The following ABI2 variants were observed in gnomAD, a reference collection of about 807,000 sequenced individuals.
ABI2 encodes the protein abelson interactor 2.
Under a neutral mutation model 59.2 loss-of-function variants are expected in ABI2, and 25 were observed. The observed-to-expected ratio is 0.42, with a 90% CI of 0.31 to 0.59. The LOEUF (loss-of-function observed/expected upper bound fraction) is 0.59. Among genes scored for constraint, ABI2 ranks in the 20% least tolerant of loss-of-function variants. The pLI is 0.14. For missense variants in ABI2, 545 were observed against 681.8 expected (o/e 0.80, Z 2.23); for synonymous variants, 213 against 235.5 (o/e 0.90, Z 0.87).
rs1235652409 is a variant in ABI2 at position 203,416,948 on chromosome 2, A to G, written c.1320A>G (p.Pro440=). The G allele has an allele frequency of 1.9e-6, 3 of 1,613,706 alleles. No homozygotes were observed. The African/African-American group carries it at 4.0e-5, about 22-fold the overall frequency. ...CTCCACCGCCACCTGTGGAAGAACC[A>G]GTCTTTGATGAGTCTCCCCCACCTC... is the stretch of plus-strand genomic sequence containing the variant. ...TPPPPPPVEE[P]VFDESPPPPP... Residue 440 remains proline, a synonymous_variant, in exon 11 of 12, where the codon CCA becomes CCG. Transcript: ENST00000261018.
chr2:203,402,351 T>G (rs975596935), intron 8 of ABI2, among the ~76,000 whole-genome samples: 3 of 152,182 alleles, frequency 2.0e-5, no homozygotes, highest in Non-Finnish European at 4.4e-5. Flanking sequence ...AGTAAACTAT[T>G]TAGACATAAC....
At chr2:203,411,752 C>T (rs910574791) in intron 10 of ABI2, among the ~76,000 whole-genome samples, 2 of 152,078 alleles carry the variant, frequency 1.3e-5, no homozygotes, top group South Asian at 2.1e-4. Context: ...TTTGTGATTC[C>T]AGATATCAGA....
intron 1 of ABI2, among the ~76,000 whole-genome samples, chr2:203,357,098 T>G (rs1370573067): frequency 6.6e-6 from 1 of 152,244 alleles, no homozygotes; most frequent in African/African-American, 2.4e-5. Flanking sequence ...CCACACTCAA[T>G]TTTTTCCTAA....
chr2:203,383,900 C>G (rs555029884), intron 4 of ABI2, among the ~76,000 whole-genome samples: 44 of 150,434 alleles, frequency 2.9e-4, no homozygotes, highest in Middle Eastern at 6.8e-3. Flanking sequence ...TGAGCTCTGT[C>G]TTTGCTGCTC....
At chr2:203,421,064 TAAAA>T (rs531718926) in intron 11 of ABI2, among the ~76,000 whole-genome samples, 2 of 149,840 alleles carry the variant, frequency 1.3e-5, no homozygotes, top group South Asian at 4.2e-4. Context: ...GGTGTTGGAT[TAAAA>T]AAAAAATCTG....
intron 9 of ABI2, among the ~76,000 whole-genome samples, chr2:203,405,045 C>T (rs78064386): frequency 0.031 from 4,730 of 152,200 alleles, 140 homozygotes; most frequent in East Asian, 0.092. Context: ...GTAAAAAGAT[C>T]CCCACTTTAT....
At chr2:203,363,511 C>T (rs2093850282) in intron 1 of ABI2, among the ~76,000 whole-genome samples, 2 of 151,840 alleles carry the variant, frequency 1.3e-5, no homozygotes, top group African/African-American at 2.4e-5. Context: ...CTACCTCCTC[C>T]TGTCCTACCT....
At chr2:203,338,969 TATATATATATATAA>T (rs1559154498) in intron 1 of ABI2, among the ~76,000 whole-genome samples, 698 of 10,456 alleles carry the variant, frequency 0.067, 52 homozygotes, top group South Asian at 0.083. Context: ...TATAAATATA[TATATATATATATAA>T]ATATATATAT....
rs559339866 is a variant in ABI2 at position 203,404,600 on chromosome 2, C to G, written c.1192+1866C>G. 2.2e-4 allele frequency among the ~76,000 whole-genome samples: 33 copies of G among 152,216 alleles called. No individual in the cohort carries two copies. In the Middle Eastern group the frequency reaches 0.01, roughly 47 times the overall value. On this transcript the variant is annotated intron_variant, in intron 9 of 11. Transcript: ENST00000261018. Reference sequence around the variant, plus strand: ...TTGAGACAAAGTCTTGCTCTGTCACCCAGGCTGGAGTGCAGTGGTACAATC... The same window carrying G: ...TTGAGACAAAGTCTTGCTCTGTCACGCAGGCTGGAGTGCAGTGGTACAATC...
At chr2:203,395,090 C>T (rs1280119593) in intron 6 of ABI2, 2 of 708,076 alleles carry the variant, frequency 2.8e-6, no homozygotes, top group Middle Eastern at 2.3e-4. Context: ...TTCAGTTGAT[C>T]TGGAAAAAAA....
intron 2 of ABI2, among the ~76,000 whole-genome samples, chr2:203,376,936 G>T (rs1276363881): frequency 1.3e-5 from 2 of 152,088 alleles, no homozygotes; most frequent in East Asian, 3.8e-4. Context: ...CAAGAAATAT[G>T]TGCTTGTTAT....
chr2:203,332,628 AAAAC>A (rs756234043), intron 1 of ABI2, among the ~76,000 whole-genome samples: 1 of 152,226 alleles, frequency 6.6e-6, no homozygotes, highest in Non-Finnish European at 1.5e-5. Context: ...CTGTCTCAAA[AAAAC>A]AAAAATTACA....
chr2:203,361,007 G>A (rs1206882518), intron 1 of ABI2, among the ~76,000 whole-genome samples: 3 of 152,236 alleles, frequency 2.0e-5, no homozygotes, highest in African/African-American at 7.2e-5. Flanking sequence ...CGTGGCCTCA[G>A]CATGAGCACT....
intron 2 of ABI2, among the ~76,000 whole-genome samples, chr2:203,372,255 C>A (rs924137652): frequency 7.9e-5 from 12 of 152,088 alleles, no homozygotes; most frequent in East Asian, 3.9e-4. Context: ...CTAAGGTCAC[C>A]GATCAACAGG....
chr2:203,377,160 A>C (rs1189371937), intron 2 of ABI2, among the ~76,000 whole-genome samples: 1 of 152,112 alleles, frequency 6.6e-6, no homozygotes, highest in African/African-American at 2.4e-5. Flanking sequence ...TCTACAAAAA[A>C]TAAAATTAGC....
At chr2:203,372,458 G>A (rs1397334692) in intron 2 of ABI2, among the ~76,000 whole-genome samples, 4 of 152,280 alleles carry the variant, frequency 2.6e-5, no homozygotes, top group South Asian at 4.1e-4. Flanking sequence ...CCTCCCAGAC[G>A]GGGTGGTGGC....
At chr2:203,394,055 C>T (rs2096876411) in intron 5 of ABI2, among the ~76,000 whole-genome samples, 1 of 152,060 alleles carries the variant, frequency 6.6e-6, no homozygotes, top group Non-Finnish European at 1.5e-5. Context: ...ATTCCCTTCC[C>T]CCCACCTTTG....
intron 8 of ABI2, among the ~76,000 whole-genome samples, chr2:203,399,660 A>G (rs1342013938): frequency 6.6e-6 from 1 of 151,892 alleles, no homozygotes; most frequent in Admixed American, 6.6e-5. Flanking sequence ...GATTACAGGC[A>G]CCCACCACCA....
At chr2:203,353,955 A>G (rs777779743) in intron 1 of ABI2, among the ~76,000 whole-genome samples, 15 of 152,180 alleles carry the variant, frequency 9.9e-5, no homozygotes, top group Non-Finnish European at 1.9e-4. Flanking sequence ...TAACATGTAG[A>G]TTTAGCAACT....
Sources: allele counts gnomAD v4.1 joint callset (sites outside exome capture counted in the v4.1 genomes callset), GRCh38; gene constraint gnomAD v4.1.1; transcripts MANE v1.5; gene names NCBI Gene and HGNC (gene_info 2026-07-23, HGNC 2026-07-21).